ENTREP2: variants seen among roughly 807,000 people sequenced by gnomAD.
ENTREP2 encodes endosomal transmembrane epsin interactor 2.
chr15:29,480,328 T>C, the ENTREP2 span, among the ~76,000 whole-genome samples: 1 of 110,862 alleles, frequency 9.0e-6, no homozygotes, highest in African/African-American at 3.6e-5. Flanking sequence ...CACAAGACCA[T>C]TCACTATAGC....
the ENTREP2 span, among the ~76,000 whole-genome samples, chr15:29,491,332 G>A: frequency 7.6e-3 from 1,164 of 152,294 alleles, 10 homozygotes; most frequent in African/African-American, 0.027. Flanking sequence ...CAGTGCAGCA[G>A]GGGGCTGAAG....
At chr15:29,177,684 C>T in the ENTREP2 span, among the ~76,000 whole-genome samples, 1 of 152,156 alleles carries the variant, frequency 6.6e-6, no homozygotes, top group Non-Finnish European at 1.5e-5. Flanking sequence ...CACGGCAGAG[C>T]TGCCTGGGAA....
the ENTREP2 span, among the ~76,000 whole-genome samples, chr15:29,395,020 TG>T: frequency 6.6e-6 from 1 of 150,770 alleles, no homozygotes; most frequent in African/African-American, 2.4e-5. Context: ...CCTGAGTAGC[TG>T]GGCTACAGGC....
At chr15:29,640,335 C>T in the ENTREP2 span, among the ~76,000 whole-genome samples, 9 of 152,088 alleles carry the variant, frequency 5.9e-5, no homozygotes, top group Non-Finnish European at 1.3e-4. Context: ...TATAAATAGT[C>T]ATAGAAAAGA....
At chr15:29,420,978 A>T in the ENTREP2 span, among the ~76,000 whole-genome samples, 2 of 152,250 alleles carry the variant, frequency 1.3e-5, no homozygotes, top group Non-Finnish European at 2.9e-5. Flanking sequence ...CAGCAAAGTC[A>T]GAATGAGGAA....
chr15:29,173,411 G>C, the ENTREP2 span, among the ~76,000 whole-genome samples: 1 of 152,206 alleles, frequency 6.6e-6, no homozygotes, highest in Non-Finnish European at 1.5e-5. Context: ...AGATCCCCTG[G>C]ACGGAAGCCT....
the ENTREP2 span, among the ~76,000 whole-genome samples, chr15:29,163,703 C>A: frequency 1.3e-5 from 2 of 151,876 alleles, no homozygotes; most frequent in South Asian, 2.1e-4. Flanking sequence ...CCAGTTTTCC[C>A]GAGGAAGAAG....
At chr15:29,488,110 A>G in the ENTREP2 span, among the ~76,000 whole-genome samples, 1 of 152,206 alleles carries the variant, frequency 6.6e-6, no homozygotes, top group Non-Finnish European at 1.5e-5. Flanking sequence ...GACTTACTAA[A>G]GACTTTAAAT....
the ENTREP2 span, among the ~76,000 whole-genome samples, chr15:29,344,926 G>GCGCAGACACACACACACACA: frequency 3.4e-4 from 43 of 127,558 alleles, no homozygotes; most frequent in Non-Finnish European, 5.8e-4. Flanking sequence ...ACACGCACGC[G>GCGCAGACACACACACACACA]CGCAGACACA....
the ENTREP2 span, among the ~76,000 whole-genome samples, chr15:29,236,899 GGAAA>G: frequency 1.3e-5 from 2 of 151,354 alleles, no homozygotes; most frequent in Admixed American, 1.3e-4. Context: ...AAGGAAGGAA[GGAAA>G]GAAGGGAGGA....
the ENTREP2 span, among the ~76,000 whole-genome samples, chr15:29,388,942 C>T: frequency 8.1e-6 from 1 of 123,506 alleles, no homozygotes; most frequent in Non-Finnish European, 1.6e-5. Context: ...GGAAGGGGAA[C>T]ATCACACACC....
At chr15:29,172,655 A>T in the ENTREP2 span, among the ~76,000 whole-genome samples, 4 of 152,082 alleles carry the variant, frequency 2.6e-5, no homozygotes, top group Non-Finnish European at 5.9e-5. Flanking sequence ...AATGCCCTTG[A>T]TTCTTGTTAA....
chr15:29,628,642 G>C, the ENTREP2 span, among the ~76,000 whole-genome samples: 1 of 152,152 alleles, frequency 6.6e-6, no homozygotes. Context: ...TTGGGGAATC[G>C]TCTAGTTCTT....
chr15:29,453,387 A>G, the ENTREP2 span, among the ~76,000 whole-genome samples: 1 of 152,350 alleles, frequency 6.6e-6, no homozygotes, highest in East Asian at 1.9e-4. Context: ...ACATTTACTT[A>G]ACTGAAAAGT....
At chr15:29,433,619 G>C in the ENTREP2 span, among the ~76,000 whole-genome samples, 1 of 152,044 alleles carries the variant, frequency 6.6e-6, no homozygotes, top group Non-Finnish European at 1.5e-5. Flanking sequence ...CAAGTCTAGA[G>C]AGAATCCCCA....
At chr15:29,320,668 C>T in the ENTREP2 span, among the ~76,000 whole-genome samples, 3 of 152,156 alleles carry the variant, frequency 2.0e-5, no homozygotes, top group East Asian at 3.9e-4. Flanking sequence ...GTGGTATAAG[C>T]AGAGATGGAA....
the ENTREP2 span, among the ~76,000 whole-genome samples, chr15:29,217,235 T>A: frequency 6.6e-6 from 1 of 151,894 alleles, no homozygotes; most frequent in East Asian, 1.9e-4. Flanking sequence ...GTGCTGGGAG[T>A]CAGCTTGCAG....
At chr15:29,402,075 C>T in the ENTREP2 span, among the ~76,000 whole-genome samples, 2 of 151,938 alleles carry the variant, frequency 1.3e-5, no homozygotes, top group African/African-American at 4.8e-5. Context: ...TTATGTTAAG[C>T]ATATTTAAAA....
the ENTREP2 span, among the ~76,000 whole-genome samples, chr15:29,368,922 C>T: frequency 2.6e-5 from 4 of 151,684 alleles, no homozygotes; most frequent in African/African-American, 4.8e-5. Flanking sequence ...TTGAAAAGTA[C>T]GATAACTCAA....
Sources: allele counts gnomAD v4.1 joint callset (sites outside exome capture counted in the v4.1 genomes callset), GRCh38; gene constraint gnomAD v4.1.1; transcripts MANE v1.5; gene names NCBI Gene and HGNC (gene_info 2026-07-23, HGNC 2026-07-21).